Variants in SPNS3 observed in about 807,000 individuals in gnomAD.
The protein encoded by SPNS3 is SPNS lysolipid transporter 3, sphingosine-1-phosphate (putative).
A neutral mutation model predicts 54.4 loss-of-function variants in SPNS3; 51 were observed. That is an observed-to-expected ratio of 0.94 (90% confidence interval 0.75 to 1.18). The LOEUF is 1.18. SPNS3 is among the 50% of genes most tolerant of loss of function. The pLI, the probability that SPNS3 is intolerant of heterozygous loss-of-function variation, is 0.00. For synonymous variants in SPNS3, 309 were observed against 294.7 expected (o/e 1.05, Z -0.50); for missense variants, 669 against 677.4 (o/e 0.99, Z 0.14).
intron 8 of SPNS3, among the ~76,000 whole-genome samples, chr17:4,468,763 C>CTTTCTTTCTTTCTTTCTTTCTT (rs59681919): frequency 1.0e-4 from 3 of 28,970 alleles, no homozygotes; most frequent in Non-Finnish European, 3.5e-4. Flanking sequence ...CTTTCTTTCT[C>CTTTCTTTCTTTCTTTCTTTCTT]TCTTTCTTTT....
intron 8 of SPNS3, among the ~76,000 whole-genome samples, chr17:4,467,883 G>T (rs893096806): frequency 1.3e-5 from 2 of 152,160 alleles, no homozygotes; most frequent in African/African-American, 4.8e-5. Flanking sequence ...GTTGGCCAGG[G>T]TGGCCTCGAA....
At chr17:4,462,136 TC>T in intron 8 of SPNS3, among the ~76,000 whole-genome samples, 2 of 4,064 alleles carry the variant, frequency 4.9e-4, no homozygotes, top group South Asian at 0.014. Context: ...CATCCATCCA[TC>T]CATCCATCCA....
Position 4,439,689 on chromosome 17 carries a change from G to C in SPNS3, c.231G>C (p.Gln77His), listed in dbSNP as rs765183840. 5 of 1,613,512 alleles carry C rather than the reference G, an allele frequency of 3.1e-6. No homozygotes were observed. The highest frequency in any genetic ancestry group is 4.2e-6 in the Non-Finnish European group (5 of 1,179,812). Residue 77 changes from glutamine (Q) to histidine (H), a missense_variant, in exon 2 of 12, where the codon CAG becomes CAC. Gln to His is a conservative substitution (Grantham distance 24, BLOSUM62 0). Transcript: ENST00000355530. Reference sequence around the variant, plus strand: ...TGCTGGATATACAGGAGGTTTTCCAGATCAGTGACAACCATGCTGGTTTGC... The same window carrying C: ...TGCTGGATATACAGGAGGTTTTCCACATCAGTGACAACCATGCTGGTTTGC... ...GVLLDIQEVF[Q>H]ISDNHAGLLQ...
chr17:4,443,410 A>G (rs535146940), intron 2 of SPNS3, among the ~76,000 whole-genome samples: 3 of 152,370 alleles, frequency 2.0e-5, no homozygotes, highest in South Asian at 4.1e-4. Context: ...GAAGATATGC[A>G]TAAACAAGAT....
chr17:4,454,823 C>A (rs952573656), intron 8 of SPNS3, among the ~76,000 whole-genome samples: 5 of 151,740 alleles, frequency 3.3e-5, no homozygotes, highest in African/African-American at 9.7e-5. Context: ...CGGGGTTTCA[C>A]TATGTTGGCC....
intron 8 of SPNS3, among the ~76,000 whole-genome samples, chr17:4,475,248 T>A (rs1971959426): frequency 6.6e-6 from 1 of 152,152 alleles, no homozygotes; most frequent in Non-Finnish European, 1.5e-5. Context: ...CAGAGGGATC[T>A]AAGTCAGGGT....
intron 8 of SPNS3, among the ~76,000 whole-genome samples, chr17:4,454,731 C>T (rs1431873138): frequency 4.0e-5 from 6 of 149,084 alleles, no homozygotes; most frequent in African/African-American, 9.9e-5. Context: ...AGTGATTCTC[C>T]TGACTCAGTC....
At chr17:4,463,765 TACATACAATATACATTTAGCATGA>T (rs994923041) in intron 8 of SPNS3, among the ~76,000 whole-genome samples, 13 of 151,906 alleles carry the variant, frequency 8.6e-5, no homozygotes, top group African/African-American at 2.9e-4. Context: ...AATATACTTG[TACATACAATATACATTTAGCATGA>T]ACATGCTAAA....
chr17:4,481,776 C>T (rs1972156033), intron 9 of SPNS3, among the ~76,000 whole-genome samples: 1 of 152,142 alleles, frequency 6.6e-6, no homozygotes, highest in South Asian at 2.1e-4. Context: ...ACACCCCAGG[C>T]TATAAGGATA....
chr17:4,444,994 G>GT (rs938819518), intron 2 of SPNS3, 38 bp from the exon 3 acceptor site: 2 of 1,599,916 alleles, frequency 1.3e-6, no homozygotes, highest in African/African-American at 2.7e-5. Flanking sequence ...TGCCACGGTC[G>GT]TGGGGGGATC....
rs1555531861 is a variant in SPNS3 at position 4,468,721 on chromosome 17, T to TTTCTTTCTTTCTTTCTTTC, written c.1114-9849_1114-9848insCTTTCTTTCTTTCTTTCTT. 1.2e-4 allele frequency among the ~76,000 whole-genome samples: 14 copies of TTTCTTTCTTTCTTTCTTTC among 121,450 alleles called. No homozygotes were observed. In the South Asian group the frequency reaches 2.4e-3, roughly 20 times the overall value. The allele number at this position is 121,450 out of a possible 152,430, so 79.7% of individuals were successfully genotyped here. On this transcript the variant is annotated intron_variant, in intron 8 of 11. Coordinates refer to ENST00000355530, the MANE Select transcript of SPNS3 (RefSeq NM_182538.5). Reference sequence around the variant, plus strand: ...TTTTCTTTATTTCTCTCTCTCTTTCTTTTCTTTCTTTCTTTCTTTCTTTCT... The same window carrying TTTCTTTCTTTCTTTCTTTC: ...TTTTCTTTATTTCTCTCTCTCTTTCTTTCTTTCTTTCTTTCTTTCTTTCTTTCTTTCTTTCTTTCTTTCT...
At chr17:4,443,907 C>T (rs1192948066) in intron 2 of SPNS3, among the ~76,000 whole-genome samples, 1 of 152,172 alleles carries the variant, frequency 6.6e-6, no homozygotes, top group Non-Finnish European at 1.5e-5. Context: ...TCGAGACCAG[C>T]CTGCACAAGA....
At chr17:4,487,750 G>C (rs1234378750) in intron 11 of SPNS3, 56 bp from the exon 12 acceptor site, 16 of 1,546,650 alleles carry the variant, frequency 1.0e-5, no homozygotes, top group Non-Finnish European at 9.8e-6. Context: ...GCCCAGGCCT[G>C]GTCCCAAAGC....
At position 4,486,478 on chromosome 17, in the gene SPNS3, A is replaced by C. The variant is rs1244298381; in HGVS notation, c.1345A>C (p.Ser449Arg). ...GCAGCGCTTCCGCAGCCTGCAGCAG[A>C]GCTTCCTGTGCTGCGCCTTTGTCAT... Reference protein sequence around the residue: ...YLQRFRSLQQSFLCCAFVIAL... With the variant: ...YLQRFRSLQQRFLCCAFVIAL... The change falls in exon 11 of 12, where the codon AGC (serine) becomes CGC (arginine). Residue 449 changes from serine to arginine, a missense_variant. By Grantham distance (110) the Ser-to-Arg change is moderately radical. Coordinates refer to ENST00000355530, the MANE Select transcript of SPNS3 (RefSeq NM_182538.5). This position sits in a 1 kb window ranked among gnomAD's most constrained non-coding sequence, Gnocchi z 5.5. 6.2e-7 allele frequency: 1 copy of C among 1,613,428 alleles called. No homozygotes were observed. The highest frequency in any genetic ancestry group is 8.5e-7 in the Non-Finnish European group (1 of 1,179,852).
At chr17:4,476,760 T>C (rs890543520) in intron 8 of SPNS3, among the ~76,000 whole-genome samples, 2 of 152,098 alleles carry the variant, frequency 1.3e-5, no homozygotes, top group Admixed American at 1.3e-4. Context: ...CTCAGGGGCC[T>C]CTCAGTTTGG....
chr17:4,440,090 A>C (rs77106352), intron 2 of SPNS3, among the ~76,000 whole-genome samples: 8,730 of 152,184 alleles, frequency 0.057, 306 homozygotes, highest in Non-Finnish European at 0.08. Flanking sequence ...CTCTCACAGA[A>C]CTGAAAAATC....
chr17:4,451,921 C>T (rs1471670590), intron 7 of SPNS3, among the ~76,000 whole-genome samples: 2 of 151,724 alleles, frequency 1.3e-5, no homozygotes, highest in Admixed American at 6.6e-5. Flanking sequence ...TCAAGTGATC[C>T]ACCCACCTCG....
At chr17:4,478,789 C>G (rs1286570052) in intron 9 of SPNS3, 152 bp downstream of exon 9, 1 of 705,508 alleles carries the variant, frequency 1.4e-6, no homozygotes, top group Non-Finnish European at 2.4e-6. Flanking sequence ...AGAGGCCTCT[C>G]TGACACTCTC....
intron 9 of SPNS3, among the ~76,000 whole-genome samples, chr17:4,480,439 T>C (rs1176523357): frequency 1.3e-5 from 2 of 152,032 alleles, no homozygotes; most frequent in Non-Finnish European, 2.9e-5. Flanking sequence ...GAGATTAACA[T>C]CCCCCCAGCA....
Sources: gnomAD v4.1 joint callset for allele counts (sites outside exome capture counted in the v4.1 genomes callset) on GRCh38, gnomAD v4.1.1 for gene constraint, Gnocchi (gnomAD v3.1) non-coding constraint, MANE v1.5 for transcripts, NCBI Gene and HGNC (gene_info 2026-07-23, HGNC 2026-07-21) for gene names.